Variants in AFAP1L2 observed in about 807,000 individuals in gnomAD.
AFAP1L2 encodes the protein actin filament-associated protein 1-like 2.
AFAP1L2 carries 46 observed loss-of-function variants against 99.3 expected under a neutral mutation model. The ratio of observed to expected loss-of-function variants is 0.46; its 90% CI spans 0.37 to 0.59. The LOEUF (loss-of-function observed/expected upper bound fraction) is 0.59. AFAP1L2 is among the 20% of genes least tolerant of loss of function. The probability of loss-of-function intolerance (pLI) is 0.00; values close to 1 mark genes in which losing one functional copy is unlikely to be tolerated. For synonymous variants in AFAP1L2, 397 were observed against 419.1 expected, an observed-to-expected ratio of 0.95 and a Z score of 0.64; for missense variants, 959 against 1,034.9, an observed-to-expected ratio of 0.93 and a Z score of 1.01.
At chr10:114,398,961 C>T (rs1253938096) in intron 1 of AFAP1L2, 6 of 1,268,068 alleles carry the variant, frequency 4.7e-6, no homozygotes, top group Non-Finnish European at 5.2e-6. Context: ...CCACTGTGGG[C>T]TTTCATCTCC....
chr10:114,307,797 A>G lies in AFAP1L2; in HGVS notation c.1072+8T>C, dbSNP rs753050576. On this transcript the variant is annotated splice_region_variant and intron_variant, in intron 10 of 18. Coordinates refer to ENST00000304129, the MANE Select transcript of AFAP1L2 (RefSeq NM_001001936.3). ...GCCTGTGGTCCCGGAGGTAGCTACAATTCTTACTGGATGTCTCGAGGGACC... is the reference window on the plus strand; with the variant it reads ...GCCTGTGGTCCCGGAGGTAGCTACAGTTCTTACTGGATGTCTCGAGGGACC... The G allele has an allele frequency of 2.5e-6, 4 of 1,611,910 alleles. No individual in the cohort carries two copies. The highest frequency in any genetic ancestry group is 2.2e-5 in the South Asian group (2 of 91,018).
chr10:114,295,980 A>G lies in AFAP1L2; in HGVS notation c.*62T>C. ...ACCCTTTCGCATAGTTTTTGCTTTA[A>G]CAAAGCAGGATTGTCACCAAGGTCC... On this transcript the variant is annotated 3_prime_UTR_variant, in exon 19 of 19. Transcript: ENST00000304129. The G allele has an allele frequency of 3.1e-6, 5 of 1,613,572 alleles. No homozygotes were observed. Among genetic ancestry groups the G allele is most frequent in the Non-Finnish European group, 4.2e-6 (5 of 1,179,690 alleles).
intron 1 of AFAP1L2, among the ~76,000 whole-genome samples, chr10:114,373,271 T>A (rs1220050202): frequency 6.6e-6 from 1 of 151,902 alleles, no homozygotes. Context: ...TAATTCTTAT[T>A]TTGCAAAATT....
intron 4 of AFAP1L2, among the ~76,000 whole-genome samples, chr10:114,328,112 G>C (rs1281956460): frequency 6.6e-6 from 1 of 152,214 alleles, no homozygotes; most frequent in Non-Finnish European, 1.5e-5. Context: ...CACGGCACCT[G>C]GCTGTGCAGA....
In AFAP1L2 at chr10:114,299,382, T is replaced by C. The variant is rs775527367; in HGVS notation, c.1991A>G (p.Glu664Gly). ...IKLGKNRTEA[E>G]VKRYTEEKER... ...CTTCTCCTCTGTGTACCGCTTCACC[T>C]CAGCTTCTGTCCGATTCTTGCCAAG... The change falls in exon 16 of 19, where the codon GAG (glutamate) becomes GGG (glycine). Residue 664 changes from glutamate to glycine, a missense_variant. Physicochemically the swap from Glu to Gly is moderately conservative, Grantham distance 98. Transcript: ENST00000304129. 26 of 1,614,222 alleles carry C rather than the reference T, an allele frequency of 1.6e-5. No individual in the cohort carries two copies. In the South Asian group the frequency reaches 1.8e-4, roughly 11 times the overall value.
At chr10:114,396,635 A>G (rs1446087398) in intron 1 of AFAP1L2, among the ~76,000 whole-genome samples, 1 of 152,226 alleles carries the variant, frequency 6.6e-6, no homozygotes, top group Non-Finnish European at 1.5e-5. Flanking sequence ...TGATTACTCA[A>G]TTCTAATACA....
chr10:114,311,012 G>A (rs1373971754), intron 7 of AFAP1L2, among the ~76,000 whole-genome samples: 1 of 125,906 alleles, frequency 7.9e-6, no homozygotes, highest in African/African-American at 3.0e-5. Context: ...ATTGACCAGT[G>A]GAGGAAGAGG....
Position 114,304,833 on chromosome 10 carries a change from C to G in AFAP1L2, c.1170G>C (p.Lys390Asn). 1 of 1,613,482 alleles carries G rather than the reference C, an allele frequency of 6.2e-7. No individual in the cohort carries two copies. The highest frequency in any genetic ancestry group is 8.5e-7 in the Non-Finnish European group (1 of 1,180,032). ...LHFYQDRNRSKVAQQPLSLVG... is the reference protein window; with the variant it reads ...LHFYQDRNRSNVAQQPLSLVG... The stretch of plus-strand genomic sequence containing the variant: ...CCAGGCTGAGGGGTTGCTGGGCCAC[C>G]TTGCTCCGGTTCCGGTCCTGGTAGA... The change falls in exon 11 of 19, where the codon AAG (lysine) becomes AAC (asparagine). Residue 390 changes from lysine to asparagine, a missense_variant. Physicochemically the swap from Lys to Asn is moderately conservative, Grantham distance 94. Transcript: ENST00000304129.
At chr10:114,314,472 T>A (rs1279117131) in intron 6 of AFAP1L2, among the ~76,000 whole-genome samples, 1 of 152,236 alleles carries the variant, frequency 6.6e-6, no homozygotes, top group Non-Finnish European at 1.5e-5. Flanking sequence ...GCACAAAAAC[T>A]AAGCCTCTTA....
At chr10:114,366,818 A>G (rs143292983) in intron 1 of AFAP1L2, among the ~76,000 whole-genome samples, 3,352 of 152,166 alleles carry the variant, frequency 0.022, 126 homozygotes, top group African/African-American at 0.077. Context: ...ATACAACAAA[A>G]TTAGTCAGGC....
the AFAP1L2 span, chr10:114,282,458 T>C: frequency 1.4e-6 from 2 of 1,379,602 alleles, no homozygotes; most frequent in Non-Finnish European, 2.1e-6. Flanking sequence ...CATCTTCTGT[T>C]TTCTGCCCTC....
chr10:114,347,455 T>G (rs2049775158), intron 1 of AFAP1L2, among the ~76,000 whole-genome samples: 1 of 152,146 alleles, frequency 6.6e-6, no homozygotes, highest in Admixed American at 6.5e-5. Flanking sequence ...AAAGTGGGAT[T>G]TTTTTCTTAT....
At chr10:114,404,970 C>A (rs1304005732), upstream of AFAP1L2, among the ~76,000 whole-genome samples, 6 of 152,188 alleles carry the variant, frequency 3.9e-5, no homozygotes, top group African/African-American at 1.4e-4. Flanking sequence ...GGCTCCCGAG[C>A]CAGCGCGCTT....
chr10:114,285,935 G>A, the AFAP1L2 span: 266 of 1,582,824 alleles, frequency 1.7e-4, 1 homozygote, highest in Admixed American at 1.1e-3. Context: ...TGTGATCCCC[G>A]CAGCCCTGAA....
At chr10:114,289,600 G>GGGAAGCAAGTGCT in the AFAP1L2 span, 1 of 1,285,322 alleles carries the variant, frequency 7.8e-7, no homozygotes, top group Non-Finnish European at 1.1e-6. Context: ...CTGAGCACTT[G>GGGAAGCAAGTGCT]CTTCCCAAGT....
intron 7 of AFAP1L2, among the ~76,000 whole-genome samples, chr10:114,310,708 C>G (rs754471013): frequency 6.6e-6 from 1 of 152,152 alleles, no homozygotes; most frequent in Non-Finnish European, 1.5e-5. Context: ...CGAGGGGGGG[C>G]CTTGGCAGCA....
At chr10:114,294,742 C>T (rs1315458740), downstream of AFAP1L2, 3 of 828,878 alleles carry the variant, frequency 3.6e-6, no homozygotes, top group South Asian at 5.6e-5. Flanking sequence ...TCTTGTAGTT[C>T]AGTGTGTAAA....
chr10:114,389,172 C>T (rs934612317), intron 1 of AFAP1L2, among the ~76,000 whole-genome samples: 1 of 152,188 alleles, frequency 6.6e-6, no homozygotes, highest in Non-Finnish European at 1.5e-5. Context: ...CAGGTCCTGC[C>T]TCTGGGGCCC....
chr10:114,336,129 C>T (rs2047937793), intron 2 of AFAP1L2, among the ~76,000 whole-genome samples: 1 of 152,196 alleles, frequency 6.6e-6, no homozygotes, highest in Non-Finnish European at 1.5e-5. Context: ...ATCGGCCCAC[C>T]TCGGGTGGGC....
Sources: gnomAD v4.1 joint callset for allele counts (sites outside exome capture counted in the v4.1 genomes callset) on GRCh38, gnomAD v4.1.1 for gene constraint, MANE v1.5 for transcripts, NCBI Gene and HGNC (gene_info 2026-07-23, HGNC 2026-07-21) for gene names.